Variants in ACTL6B observed in about 807,000 individuals in gnomAD.
The protein encoded by ACTL6B is actin like 6B.
ACTL6B carries 48 observed loss-of-function variants against 63.3 expected under a neutral mutation model. The observed-to-expected ratio is 0.76, with a 90% CI of 0.60 to 0.96. The LOEUF is 0.96. Ranked by LOEUF, ACTL6B falls within the 50% of genes least tolerant of loss-of-function variation. The pLI, the probability that ACTL6B is intolerant of heterozygous loss-of-function variation, is 0.00. For missense variants in ACTL6B, 350 were observed against 572.2 expected (o/e 0.61, Z 3.96); for synonymous variants, 230 against 223.8 (o/e 1.03, Z -0.25).
In ACTL6B at chr7:100,645,649, T is replaced by C. The variant is rs1584467283; in HGVS notation, c.1200+600A>G. On this transcript the variant is annotated intron_variant, in intron 13 of 13. Transcript: ENST00000160382. The stretch of plus-strand genomic sequence containing the variant: ...TCCCTCTACTCCCAATTTTTTTTTT[T>C]TTTTGAGAGTCTTACTGCGTCACCC... 6.6e-5 allele frequency among the ~76,000 whole-genome samples: 10 copies of C among 152,042 alleles called. 1 individual carries two copies. In the South Asian group the frequency reaches 2.1e-3, roughly 32 times the overall value.
chr7:100,643,967 T>G (rs1463062817), intron 13 of ACTL6B, among the ~76,000 whole-genome samples: 1 of 152,178 alleles, frequency 6.6e-6, no homozygotes. Flanking sequence ...TGGTGCGATC[T>G]TGGCTCACTG....
chr7:100,655,203 G>A lies in ACTL6B; in HGVS notation c.269-84C>T. 1.5e-6 allele frequency: 2 copies of A among 1,312,822 alleles called. No homozygotes were observed. The highest frequency in any genetic ancestry group is 2.2e-6 in the Non-Finnish European group (2 of 920,054). The allele number at this position is 1,312,822 out of a possible 1,614,324, so 81.3% of individuals were successfully genotyped here. A position where few individuals can be genotyped will look rare whatever the true frequency, so the allele number is the denominator to read the frequency against. On this transcript the variant is annotated intron_variant, in intron 3 of 13. Coordinates refer to ENST00000160382, the MANE Select transcript of ACTL6B (RefSeq NM_016188.5). This position sits in a 1 kb window ranked among gnomAD's most constrained non-coding sequence, Gnocchi z 4.4. ...GAAGAAAAGGAGGGAGAAAGGCCAA[G>A]CCCAAAGGAGGGTCAGTGAGTCCAG...
In ACTL6B at chr7:100,655,307, A is replaced by T. The variant is rs1426927859; in HGVS notation, c.268+114T>A. 4.5e-6 allele frequency: 6 copies of T among 1,348,106 alleles called. No individual in the cohort carries two copies. The East Asian group carries it at 9.2e-5, about 21-fold the overall frequency. The allele number at this position is 1,348,106 out of a possible 1,614,324, so 83.5% of individuals were successfully genotyped here. On this transcript the variant is annotated intron_variant, in intron 3 of 13. Transcript: ENST00000160382. This position sits in a 1 kb window ranked among gnomAD's most constrained non-coding sequence, Gnocchi z 4.4. ...CCCAGCGAGAAGAACCCTGGCAGCC[A>T]GAAGAACCCTGGGGCTGCAAGGAAG... is the stretch of plus-strand genomic sequence containing the variant.
chr7:100,655,972 G>A lies in ACTL6B; in HGVS notation c.26-93C>T. 3.8e-6 allele frequency: 5 copies of A among 1,322,090 alleles called. No homozygotes were observed. The highest frequency in any genetic ancestry group is 4.1e-6 in the Non-Finnish European group (4 of 966,032). The allele number at this position is 1,322,090 out of a possible 1,614,324, so 81.9% of individuals were successfully genotyped here. ...AAAGTCAGGGCAGAGCCACAGTCTC[G>A]CCACTTTCAACACCAGTCTGGGGCC... On this transcript the variant is annotated intron_variant, in intron 1 of 13. Transcript: ENST00000160382. This position sits in a 1 kb window ranked among gnomAD's most constrained non-coding sequence, Gnocchi z 4.4.
rs780546948 is a variant in ACTL6B, at chr7:100,646,867, C to G, written c.937-36G>C. 1 of 1,602,130 alleles carries G rather than the reference C, an allele frequency of 6.2e-7. No homozygotes were observed. The highest frequency in any genetic ancestry group is 8.5e-7 in the Non-Finnish European group (1 of 1,173,654). ...AGGTGACTGGGGCTGTGGGCTCTCT[C>G]CCCCTTCCCCCCAGACCCCTGCAAT... On this transcript the variant is annotated intron_variant, in intron 10 of 13. Transcript: ENST00000160382. This position sits in a 1 kb window ranked among gnomAD's most constrained non-coding sequence, Gnocchi z 6.1.
At position 100,655,606 on chromosome 7, in the gene ACTL6B, G is replaced by C. The variant is rs753359631; in HGVS notation, c.103-20C>G. On this transcript the variant is annotated intron_variant, in intron 2 of 13. Coordinates refer to ENST00000160382, the MANE Select transcript of ACTL6B (RefSeq NM_016188.5). The surrounding 1 kb of genome is among the most constrained non-coding windows in gnomAD (Gnocchi z 4.4). ...GTCAGCCTGGTGGGGAAGGGTTGGG[G>C]GAGTATTGGCAGGGAGAGAGGTCAC... 1 of 1,605,476 alleles carries C rather than the reference G, an allele frequency of 6.2e-7. No individual in the cohort carries two copies. Among genetic ancestry groups the C allele is most frequent in the South Asian group, 1.1e-5 (1 of 89,414 alleles).
Position 100,646,718 on chromosome 7 carries a change from C to T in ACTL6B, c.1017+33G>A. 1 of 1,613,186 alleles carries T rather than the reference C, an allele frequency of 6.2e-7. No homozygotes were observed. Among genetic ancestry groups the T allele is most frequent in the South Asian group, 1.1e-5 (1 of 91,062 alleles). On this transcript the variant is annotated intron_variant, in intron 11 of 13. Transcript: ENST00000160382. The surrounding 1 kb of genome is among the most constrained non-coding windows in gnomAD (Gnocchi z 6.1). Reference sequence around the variant, plus strand: ...CCGTCTCCCCACTTCCCCTGGGCCCCTTTGCCGAGCCTCAGCTCCGGCCTG... The same window carrying T: ...CCGTCTCCCCACTTCCCCTGGGCCCTTTTGCCGAGCCTCAGCTCCGGCCTG...
chr7:100,643,663 A>G (rs1023201942), intron 13 of ACTL6B, among the ~76,000 whole-genome samples: 4 of 151,834 alleles, frequency 2.6e-5, no homozygotes, highest in African/African-American at 9.7e-5. Flanking sequence ...AACACCCCCT[A>G]CACACACACA....
chr7:100,655,526 C>T lies in ACTL6B; in HGVS notation c.163G>A (p.Glu55Lys). 6.2e-7 allele frequency: 1 copy of T among 1,614,138 alleles called. No individual in the cohort carries two copies. Among genetic ancestry groups the T allele is most frequent in the Non-Finnish European group, 8.5e-7 (1 of 1,180,000 alleles). ...TTCCCTTTCTTCTCTTTGTCCCCCT[C>T]CAGCTCCAGCCCGCCCCCCTCCTCC... ...AAEEGGGLEL[E>K]GDKEKKGKIF... Residue 55 changes from glutamate to lysine, a missense_variant, in exon 3 of 14, where the codon GAG becomes AAG. Coordinates refer to ENST00000160382, the MANE Select transcript of ACTL6B (RefSeq NM_016188.5). The surrounding 1 kb of genome is among the most constrained non-coding windows in gnomAD (Gnocchi z 4.4).
At position 100,650,053 on chromosome 7, in the gene ACTL6B, G is replaced by A. The variant is rs570116007; in HGVS notation, c.452C>T (p.Thr151Met). The change falls in exon 5 of 14, where the codon ACG becomes ATG. Residue 151 changes from threonine (T) to methionine (M), a missense_variant. This residue lies in a region of ACTL6B where 250 missense variants were observed against 364.7 expected (regional missense o/e 0.69). Coordinates refer to ENST00000160382, the MANE Select transcript of ACTL6B (RefSeq NM_016188.5). ...YNIPAFFLCK[T>M]AVLTAFANGR... ...CAGAGGATACGCGGTGAGCACAGCC[G>A]TCTTGCATAAGAAGAAGGCAGGAAT... The A allele has an allele frequency of 1.9e-6, 3 of 1,613,820 alleles. No individual in the cohort carries two copies. Among genetic ancestry groups the A allele is most frequent in the Middle Eastern group, 1.7e-4 (1 of 6,060 alleles).
rs576533758 is a variant in ACTL6B, at chr7:100,648,673, G to A, written c.563-11C>T. On this transcript the variant is annotated splice_polypyrimidine_tract_variant and intron_variant, in intron 6 of 13. Transcript: ENST00000160382. The surrounding 1 kb of genome is among the most constrained non-coding windows in gnomAD (Gnocchi z 4.4). ...GGGACTTGACGATGCCTAGAAGGAA[G>A]GCACTGTCAGGACCTGGTCCTCCTG... The A allele has an allele frequency of 3.7e-6, 6 of 1,612,394 alleles. No individual in the cohort carries two copies. Among genetic ancestry groups the A allele is most frequent in the African/African-American group, 1.3e-5 (1 of 75,010 alleles).
chr7:100,654,769 C>CA (rs11368759), intron 4 of ACTL6B, among the ~76,000 whole-genome samples: 27,023 of 141,504 alleles, frequency 0.19, 2,615 homozygotes, highest in Non-Finnish European at 0.23. Flanking sequence ...GAGACTGTGT[C>CA]AAAAAAAAAA....
rs970868528 is a variant in ACTL6B, at chr7:100,655,709, G to A, written c.102+94C>T. On this transcript the variant is annotated intron_variant, in intron 2 of 13. Coordinates refer to ENST00000160382, the MANE Select transcript of ACTL6B (RefSeq NM_016188.5). The surrounding 1 kb of genome is among the most constrained non-coding windows in gnomAD (Gnocchi z 4.4). ...TATTCCCATATTCCCGCTCAGCAGAGCTTCTGGGCGATCTGGGAGAGCCCT... is the reference window on the plus strand; with the variant it reads ...TATTCCCATATTCCCGCTCAGCAGAACTTCTGGGCGATCTGGGAGAGCCCT... 18 of 1,511,584 alleles carry A rather than the reference G, an allele frequency of 1.2e-5. No homozygotes were observed. The highest frequency in any genetic ancestry group is 1.6e-5 in the Non-Finnish European group (18 of 1,123,916). 93.6% of individuals were successfully genotyped at this position (1,511,584 alleles called of 1,614,324 possible). A position where few individuals can be genotyped will look rare whatever the true frequency, so the allele number is the denominator to read the frequency against.
chr7:100,647,977 T>TTC lies in ACTL6B; in HGVS notation c.670-445_670-444insGA, dbSNP rs1803856550. Among the ~76,000 whole-genome samples, 1 of 150,686 alleles carries TTC rather than the reference T, an allele frequency of 6.6e-6. No homozygotes were observed. The highest frequency in any genetic ancestry group is 2.1e-4 in the South Asian group (1 of 4,736). On this transcript the variant is annotated intron_variant, in intron 7 of 13. Transcript: ENST00000160382. The surrounding 1 kb of genome is among the most constrained non-coding windows in gnomAD (Gnocchi z 4.4). ...ACACAGCTCTTTTTTTTTTTTTTTT[T>TTC]CAGATGGAGTCTCACTCGGTCGCCC...
intron 5 of ACTL6B, 198 bp downstream of exon 5, chr7:100,649,840 G>A (rs572180426): frequency 1.9e-4 from 102 of 534,164 alleles, no homozygotes; most frequent in South Asian, 1.6e-3. Context: ...GAAAGGGGCC[G>A]CTGATCTGGC....
At position 100,646,373 on chromosome 7, in the gene ACTL6B, G is replaced by A; in HGVS notation, c.1114-38C>T. On this transcript the variant is annotated intron_variant, in intron 12 of 13. Coordinates refer to ENST00000160382, the MANE Select transcript of ACTL6B (RefSeq NM_016188.5). This position sits in a 1 kb window ranked among gnomAD's most constrained non-coding sequence, Gnocchi z 6.1. ...AGGGGCTGGGGGAAGCAGACACCTAGGTTCTGGGAAGGGACAGGGCTTGGG... is the reference window on the plus strand; with the variant it reads ...AGGGGCTGGGGGAAGCAGACACCTAAGTTCTGGGAAGGGACAGGGCTTGGG... 6.2e-7 allele frequency: 1 copy of A among 1,607,594 alleles called. No individual in the cohort carries two copies. The highest frequency in any genetic ancestry group is 8.5e-7 in the Non-Finnish European group (1 of 1,176,430).
Position 100,655,952 on chromosome 7 carries a change from C to A in ACTL6B, c.26-73G>T. 6.9e-7 allele frequency: 1 copy of A among 1,448,274 alleles called. No homozygotes were observed. Among genetic ancestry groups the A allele is most frequent in the Non-Finnish European group, 9.4e-7 (1 of 1,068,528 alleles). 89.7% of individuals were successfully genotyped at this position (1,448,274 alleles called of 1,614,324 possible). ...CCGCTAGGTAGCTCCGAGAGAAAGT[C>A]AGGGCAGAGCCACAGTCTCGCCACT... On this transcript the variant is annotated intron_variant, in intron 1 of 13. Coordinates refer to ENST00000160382, the MANE Select transcript of ACTL6B (RefSeq NM_016188.5). This position sits in a 1 kb window ranked among gnomAD's most constrained non-coding sequence, Gnocchi z 4.4.
chr7:100,651,005 C>A (rs1056820020), intron 4 of ACTL6B, among the ~76,000 whole-genome samples: 2 of 152,118 alleles, frequency 1.3e-5, no homozygotes, highest in African/African-American at 4.8e-5. Flanking sequence ...AAATACACCA[C>A]ACTGAGGATA....
chr7:100,655,929 G>C lies in ACTL6B; in HGVS notation c.26-50C>G, dbSNP rs1804032145. ...GGGGACCTCCCCCGAACTCTCTCCCGCTAGGTAGCTCCGAGAGAAAGTCAG... is the reference window on the plus strand; with the variant it reads ...GGGGACCTCCCCCGAACTCTCTCCCCCTAGGTAGCTCCGAGAGAAAGTCAG... On this transcript the variant is annotated intron_variant, in intron 1 of 13. Coordinates refer to ENST00000160382, the MANE Select transcript of ACTL6B (RefSeq NM_016188.5). This position sits in a 1 kb window ranked among gnomAD's most constrained non-coding sequence, Gnocchi z 4.4. The C allele has an allele frequency of 3.9e-6, 6 of 1,519,434 alleles. No homozygotes were observed. Among genetic ancestry groups the C allele is most frequent in the Non-Finnish European group, 4.4e-6 (5 of 1,124,094 alleles). 94.1% of individuals were successfully genotyped at this position (1,519,434 alleles called of 1,614,324 possible). A position where few individuals can be genotyped will look rare whatever the true frequency, so the allele number is the denominator to read the frequency against.
Sources: allele counts gnomAD v4.1 joint callset (sites outside exome capture counted in the v4.1 genomes callset), GRCh38; gene constraint gnomAD v4.1.1; regional missense constraint gnomAD v4.1.1; non-coding constraint Gnocchi (gnomAD v3.1); transcripts MANE v1.5; gene names NCBI Gene and HGNC (gene_info 2026-07-23, HGNC 2026-07-21).